PCDHA4: variants seen among roughly 807,000 people sequenced by gnomAD.
The protein encoded by PCDHA4 is protocadherin alpha 4.
PCDHA4 carries 49 observed loss-of-function variants against 61.4 expected under a neutral mutation model. The observed-to-expected ratio is 0.80, with a 90% CI of 0.63 to 1.01. The LOEUF (loss-of-function observed/expected upper bound fraction) is 1.01, where lower values mean the gene tolerates loss of function less well. PCDHA4 is among the 50% of genes least tolerant of loss of function. PCDHA4 has a pLI of 0.00. For synonymous variants in PCDHA4, 590 were observed against 550.3 expected, an observed-to-expected ratio of 1.07 and a Z score of -1.01; for missense variants, 1,254 against 1,235.8, an observed-to-expected ratio of 1.01 and a Z score of -0.22.
chr5:140,927,948 C>G, intron 1 of PCDHA4: 4 of 1,614,190 alleles, frequency 2.5e-6, no homozygotes, highest in Non-Finnish European at 3.4e-6. Flanking sequence ...TACCTGAGGA[C>G]GCTGCCCCTG....
intron 2 of PCDHA4, among the ~76,000 whole-genome samples, chr5:140,979,418 T>A (rs895579689): frequency 3.3e-5 from 5 of 152,178 alleles, no homozygotes; most frequent in South Asian, 2.1e-4. Flanking sequence ...GTTTTTTTTT[T>A]AATCTCACAT....
chr5:140,875,134 T>G (rs2055288976), intron 1 of PCDHA4, among the ~76,000 whole-genome samples: 1 of 152,238 alleles, frequency 6.6e-6, no homozygotes, highest in Admixed American at 6.5e-5. Flanking sequence ...TAAACCCGCA[T>G]TTATAAATGA....
At chr5:140,852,885 AT>A (rs2150523673) in intron 1 of PCDHA4, 17,743 of 732,756 alleles carry the variant, frequency 0.024, 6 homozygotes, top group Non-Finnish European at 0.027. Flanking sequence ...CATAAAACGT[AT>A]TTTTTTTTTT....
intron 1 of PCDHA4, chr5:140,821,955 G>A (rs1562261754): frequency 1.2e-6 from 2 of 1,614,196 alleles, no homozygotes; most frequent in East Asian, 2.2e-5. Context: ...AGCTGGTGCC[G>A]CGCCTGTTCC....
intron 1 of PCDHA4, chr5:140,869,717 C>A: frequency 6.2e-7 from 1 of 1,613,364 alleles, no homozygotes. Context: ...AGAGAGAAAA[C>A]TCCGGAACTT....
intron 1 of PCDHA4, among the ~76,000 whole-genome samples, chr5:140,916,805 A>G (rs560427769): frequency 6.6e-6 from 1 of 152,152 alleles, no homozygotes; most frequent in Non-Finnish European, 1.5e-5. Context: ...ATGACTTCCT[A>G]GGTCATGTGC....
At chr5:140,831,655 G>C (rs2150196678) in intron 1 of PCDHA4, among the ~76,000 whole-genome samples, 27 of 151,452 alleles carry the variant, frequency 1.8e-4, no homozygotes, top group African/African-American at 6.1e-4. Context: ...GAGCCACTAT[G>C]CTTGGCTAGT....
chr5:140,840,358 G>T (rs1180450322), intron 1 of PCDHA4, among the ~76,000 whole-genome samples: 2 of 151,928 alleles, frequency 1.3e-5, no homozygotes, highest in African/African-American at 4.8e-5. Context: ...AGGTAAAAAT[G>T]TCAGGTAGAA....
chr5:140,854,158 T>TTAAA, intron 1 of PCDHA4: 1 of 123,422 alleles, frequency 8.1e-6, no homozygotes, highest in Non-Finnish European at 1.0e-5. Flanking sequence ...AGATTCTGTC[T>TTAAA]CAAAAAAAAA....
chr5:140,881,301 A>C (rs1432436745), intron 1 of PCDHA4: 2 of 957,940 alleles, frequency 2.1e-6, no homozygotes, highest in Admixed American at 1.2e-4. Context: ...TGGAAACTTT[A>C]ACCTCCTGGT....
rs149764673 is a variant in PCDHA4 at position 140,835,585 on chromosome 5, T to A, written c.2385+26013T>A. 1.9e-6 allele frequency: 3 copies of A among 1,613,790 alleles called. No individual in the cohort carries two copies. The highest frequency in any genetic ancestry group is 1.3e-5 in the African/African-American group (1 of 74,926). On this transcript the variant is annotated intron_variant, in intron 1 of 3. Transcript: ENST00000530339. ...GTTCCCTTCAAGTTGGTGTCCACCT[T>A]CAAGAATTACTATTCATTGGTGCTG...
At chr5:140,869,771 C>T (rs1554163429) in intron 1 of PCDHA4, 11 of 1,613,176 alleles carry the variant, frequency 6.8e-6, no homozygotes, top group Middle Eastern at 1.6e-4. Flanking sequence ...CCAGAGCTTA[C>T]TGGCACCGTT....
intron 1 of PCDHA4, among the ~76,000 whole-genome samples, chr5:140,924,244 C>T (rs1375839311): frequency 6.6e-6 from 1 of 152,152 alleles, no homozygotes; most frequent in East Asian, 1.9e-4. Flanking sequence ...TGTTTTGCAT[C>T]CTGGTGAGAT....
At chr5:140,889,424 A>AT (rs1554183891) in intron 1 of PCDHA4, among the ~76,000 whole-genome samples, 2 of 151,956 alleles carry the variant, frequency 1.3e-5, no homozygotes, top group Non-Finnish European at 2.9e-5. Flanking sequence ...CGTAGATAAT[A>AT]TTTTTTCAGG....
intron 1 of PCDHA4, chr5:140,967,799 A>G: frequency 1.2e-6 from 2 of 1,614,190 alleles, no homozygotes; most frequent in Non-Finnish European, 1.7e-6. Context: ...TCCAGTGCCC[A>G]TGGCAGGTCA....
At chr5:140,858,247 G>A in intron 1 of PCDHA4, 2 of 1,596,540 alleles carry the variant, frequency 1.3e-6, no homozygotes, top group East Asian at 4.5e-5. Flanking sequence ...GTGGGCCGGT[G>A]AAGCCCACGC....
intron 1 of PCDHA4, among the ~76,000 whole-genome samples, chr5:140,873,769 T>G (rs1554166882): frequency 6.6e-6 from 1 of 151,412 alleles, no homozygotes; most frequent in Non-Finnish European, 1.5e-5. Flanking sequence ...CAAGCAATTC[T>G]CCTGCCTCAG....
rs1284722647 is a variant in PCDHA4, at chr5:140,822,989, C to T, written c.2385+13417C>T. 6.2e-7 allele frequency: 1 copy of T among 1,614,244 alleles called. No homozygotes were observed. The highest frequency in any genetic ancestry group is 1.7e-5 in the Admixed American group (1 of 60,036). On this transcript the variant is annotated intron_variant, in intron 1 of 3. Transcript: ENST00000530339. ...GTGTCCACCTTCAAGAATTACTACTCGTTGGTGCTGGACAGCGCCCTGGAC... is the reference window on the plus strand; with the variant it reads ...GTGTCCACCTTCAAGAATTACTACTTGTTGGTGCTGGACAGCGCCCTGGAC...
chr5:140,967,927 C>T (rs782426020), intron 1 of PCDHA4: 3 of 1,614,228 alleles, frequency 1.9e-6, no homozygotes, highest in Non-Finnish European at 2.5e-6. Context: ...TGGCCGTTCT[C>T]AGTGTCAATG....
Sources: gnomAD v4.1 joint callset for allele counts (sites outside exome capture counted in the v4.1 genomes callset) on GRCh38, gnomAD v4.1.1 for gene constraint, MANE v1.5 for transcripts, NCBI Gene and HGNC (gene_info 2026-07-23, HGNC 2026-07-21) for gene names.